Variants in TXN observed in about 807,000 individuals in gnomAD.
TXN encodes the protein ADF.
In TXN, 10 loss-of-function variants were observed where a neutral mutation model predicts 16.5. The observed-to-expected ratio is 0.61, with a 90% CI of 0.37 to 1.03. The LOEUF (loss-of-function observed/expected upper bound fraction) is 1.03. TXN is among the 50% of genes least tolerant of loss of function. The pLI, the probability that TXN is intolerant of heterozygous loss-of-function variation, is 0.01. For missense variants in TXN, 71 were observed against 122.5 expected (o/e 0.58, Z 1.98); for synonymous variants, 35 against 39.4 (o/e 0.89, Z 0.42).
intron 1 of TXN, among the ~76,000 whole-genome samples, chr9:110,254,187 T>A (rs1203562048): frequency 6.6e-6 from 1 of 152,186 alleles, no homozygotes; most frequent in Non-Finnish European, 1.5e-5. Flanking sequence ...ATGGTGCAAA[T>A]TTAGCCCATT....
chr9:110,251,955 G>C (rs766518143), intron 1 of TXN, among the ~76,000 whole-genome samples: 4 of 152,140 alleles, frequency 2.6e-5, no homozygotes, highest in Non-Finnish European at 5.9e-5. Flanking sequence ...GCTGGGCATG[G>C]TGGCTCACAC....
chr9:110,247,781 C>T (rs926640812), intron 3 of TXN, among the ~76,000 whole-genome samples: 1 of 152,202 alleles, frequency 6.6e-6, no homozygotes, highest in East Asian at 1.9e-4. Flanking sequence ...TTAGAGTGTA[C>T]TCCTACTTAT....
chr9:110,252,787 A>C (rs1452507657), intron 1 of TXN, among the ~76,000 whole-genome samples: 2 of 152,136 alleles, frequency 1.3e-5, no homozygotes, highest in East Asian at 3.9e-4. Flanking sequence ...TGGGATTACA[A>C]GCCTCTGCCA....
At position 110,244,197 on chromosome 9, in the gene TXN, T is replaced by C. The variant is rs763309284; in HGVS notation, c.278A>G (p.Asn93Ser). The C allele has an allele frequency of 8.3e-6, 13 of 1,574,302 alleles. No individual in the cohort carries two copies. The highest frequency in any genetic ancestry group is 8.2e-5 in the African/African-American group (6 of 73,208). The change falls in exon 5 of 5, where the codon AAT becomes AGT. Residue 93 changes from asparagine (N) to serine (S), a missense_variant. By Grantham distance (46) the Asn-to-Ser change is conservative (BLOSUM62 1). Transcript: ENST00000374517. Reference sequence around the variant, plus strand: ...AATGGTGGCTTCAAGCTTTTCCTTATTGGCTCCAGAAAATTCACCCACCTG... The same window carrying C: ...AATGGTGGCTTCAAGCTTTTCCTTACTGGCTCCAGAAAATTCACCCACCTG... Reference protein sequence around the residue: ...GQKVGEFSGANKEKLEATINE... With the variant: ...GQKVGEFSGASKEKLEATINE...
At chr9:110,255,421 T>A (rs1182248670) in intron 1 of TXN, among the ~76,000 whole-genome samples, 1 of 152,176 alleles carries the variant, frequency 6.6e-6, no homozygotes, top group Admixed American at 6.5e-5. Context: ...CTTTCAAACA[T>A]GGGAAGGCTG....
intron 3 of TXN, among the ~76,000 whole-genome samples, chr9:110,250,103 G>A (rs1476503189): frequency 6.6e-6 from 1 of 152,196 alleles, no homozygotes; most frequent in East Asian, 1.9e-4. Context: ...TCAAGGGCTG[G>A]GAAGCCAGAC....
chr9:110,247,241 T>A (rs1429552101), intron 3 of TXN, among the ~76,000 whole-genome samples: 1 of 151,092 alleles, frequency 6.6e-6, no homozygotes, highest in Non-Finnish European at 1.5e-5. Context: ...AAGAATCGCT[T>A]GAACCCGGGA....
chr9:110,247,213 CTCAG>C (rs1165694603), intron 3 of TXN, among the ~76,000 whole-genome samples: 1 of 151,758 alleles, frequency 6.6e-6, no homozygotes, highest in Non-Finnish European at 1.5e-5. Context: ...GTCCCAGCTA[CTCAG>C]GAGGCTGAGG....
chr9:110,244,310 C>CATATACATATGTATATATATAT (rs1200965058), intron 4 of TXN, 91 bp from the exon 5 acceptor site: 1 of 376,900 alleles, frequency 2.7e-6, no homozygotes, highest in Non-Finnish European at 4.4e-6. Context: ...TATATATATA[C>CATATACATATGTATATATATAT]ATATACATAT....
intron 1 of TXN, among the ~76,000 whole-genome samples, chr9:110,254,178 T>A (rs926599210): frequency 1.3e-5 from 2 of 152,204 alleles, no homozygotes; most frequent in East Asian, 3.8e-4. Flanking sequence ...GAATGGCAAA[T>A]GGTGCAAATT....
Position 110,252,223 on chromosome 9 carries a change from C to CAAAAAAAAAAAAAAAA in TXN, c.25-777_25-762dup, listed in dbSNP as rs377246017. ...TGGGCAATAGACGGAGACTCTGTCG[C>CAAAAAAAAAAAAAAAA]AAAAAAAAAAAAAAAAAAAAAAGCT... is the stretch of plus-strand genomic sequence containing the variant. On this transcript the variant is annotated intron_variant, in intron 1 of 4. Transcript: ENST00000374517. 3.1e-3 allele frequency among the ~76,000 whole-genome samples: 181 copies of CAAAAAAAAAAAAAAAA among 58,376 alleles called. 19 individuals are homozygous for CAAAAAAAAAAAAAAAA. Among genetic ancestry groups the CAAAAAAAAAAAAAAAA allele is most frequent in the African/African-American group, 0.016 (173 of 10,872 alleles). 38.3% of individuals were successfully genotyped at this position (58,376 alleles called of 152,430 possible).
chr9:110,253,172 G>T (rs895447982), intron 1 of TXN, among the ~76,000 whole-genome samples: 6 of 138,234 alleles, frequency 4.3e-5, no homozygotes, highest in Non-Finnish European at 7.9e-5. Context: ...AACCCAACAA[G>T]AAAACACTAA....
intron 1 of TXN, among the ~76,000 whole-genome samples, chr9:110,254,938 C>G (rs1397048375): frequency 2.0e-5 from 3 of 152,108 alleles, no homozygotes; most frequent in Non-Finnish European, 4.4e-5. Context: ...ACAATAGGTG[C>G]TTGGAAAAAA....
intron 3 of TXN, among the ~76,000 whole-genome samples, chr9:110,249,037 G>T (rs1158726908): frequency 7.1e-6 from 1 of 141,588 alleles, no homozygotes; most frequent in African/African-American, 2.6e-5. Flanking sequence ...CTGAGACAGA[G>T]GATTGCTTAA....
In TXN at chr9:110,251,406, G is replaced by C. The variant is rs748213654; in HGVS notation, c.81C>G (p.Phe27Leu). The C allele has an allele frequency of 4.3e-6, 7 of 1,612,110 alleles. No homozygotes were observed. The highest frequency in any genetic ancestry group is 5.9e-6 in the Non-Finnish European group (7 of 1,179,866). ...AAGDKLVVVD[F>L]SATWCGPCKM... ...TGCAAGGCCCACACCACGTGGCTGAGAAGTCAACTACTACAAGTTTATCAC... is the reference window on the plus strand; with the variant it reads ...TGCAAGGCCCACACCACGTGGCTGACAAGTCAACTACTACAAGTTTATCAC... The change falls in exon 2 of 5, where the codon TTC becomes TTG. Residue 27 changes from phenylalanine (F) to leucine (L), a missense_variant. Coordinates refer to ENST00000374517, the MANE Select transcript of TXN (RefSeq NM_003329.4).
intron 1 of TXN, among the ~76,000 whole-genome samples, chr9:110,253,496 C>G (rs949486450): frequency 1.3e-5 from 2 of 152,058 alleles, no homozygotes; most frequent in African/African-American, 4.8e-5. Context: ...CCAGGTAAGA[C>G]AGGAAAAAAG....
rs754194397 is a variant in TXN, at chr9:110,244,260, T to C, written c.256-41A>G. 5.7e-6 allele frequency: 7 copies of C among 1,226,550 alleles called. No individual in the cohort carries two copies. The East Asian group carries it at 1.3e-4, about 24-fold the overall frequency. The allele number at this position is 1,226,550 out of a possible 1,614,324, so 76.0% of individuals were successfully genotyped here. On this transcript the variant is annotated intron_variant, in intron 4 of 4. Transcript: ENST00000374517. Reference sequence around the variant, plus strand: ...TGAATTGACATTAGACGTAGCACTGTAGCACTGTTTTATACATAAAATATG... The same window carrying C: ...TGAATTGACATTAGACGTAGCACTGCAGCACTGTTTTATACATAAAATATG...
At chr9:110,244,310 C>CATATACATATGTATAT (rs1424803319) in intron 4 of TXN, 91 bp from the exon 5 acceptor site, 2 of 376,902 alleles carry the variant, frequency 5.3e-6, no homozygotes, top group Non-Finnish European at 8.9e-6. Context: ...TATATATATA[C>CATATACATATGTATAT]ATATACATAT....
At chr9:110,245,642 ATATATATATATATTT>A (rs1488759074) in intron 3 of TXN, among the ~76,000 whole-genome samples, 7 of 29,646 alleles carry the variant, frequency 2.4e-4, no homozygotes, top group African/African-American at 1.2e-3. Context: ...ATATATATAT[ATATATATATATATTT>A]TTTTTTTTTT....
Sources: allele counts gnomAD v4.1 joint callset (sites outside exome capture counted in the v4.1 genomes callset), GRCh38; gene constraint gnomAD v4.1.1; transcripts MANE v1.5; gene names NCBI Gene and HGNC (gene_info 2026-07-23, HGNC 2026-07-21).